EML6: variants seen among roughly 807,000 people sequenced by gnomAD.
The protein encoded by EML6 is echinoderm microtubule-associated protein-like 6.
A neutral mutation model predicts 240.1 loss-of-function variants in EML6; 154 were observed. That is an observed-to-expected ratio of 0.64 (90% confidence interval 0.56 to 0.73). The LOEUF (loss-of-function observed/expected upper bound fraction) is 0.73, where lower values mean the gene tolerates loss of function less well. Among genes scored for constraint, EML6 ranks in the 30% least tolerant of loss-of-function variants. The pLI is 0.00. For missense variants in EML6, 2,964 were observed against 2,474.6 expected (o/e 1.20, Z -4.20); for synonymous variants, 1,148 against 899.0 (o/e 1.28, Z -4.95).
chr2:54,829,461 A>G lies in EML6; in HGVS notation c.831A>G (p.Thr277=). 1.9e-6 allele frequency: 3 copies of G among 1,551,674 alleles called. No individual in the cohort carries two copies. The highest frequency in any genetic ancestry group is 1.7e-6 in the Non-Finnish European group (2 of 1,146,600). The change falls in exon 7 of 42, where the codon ACA becomes ACG. Residue 277 remains threonine (T), a synonymous_variant. Coordinates refer to ENST00000356458, the MANE Select transcript of EML6 (RefSeq NM_001039753.4). ...TAACCAAAATTGATCTCAGGGAGAC[A>G]GAACAAGGATACAAAGGTAATATAT... ...KPITKIDLRE[T]EQGYKGLSIR... is the part of the protein sequence containing the mutation.
chr2:54,846,662 T>A (rs1407970387), intron 8 of EML6, among the ~76,000 whole-genome samples: 1 of 151,978 alleles, frequency 6.6e-6, no homozygotes, highest in African/African-American at 2.4e-5. Context: ...TTTAAAATCT[T>A]TTTTAGAGAT....
At chr2:54,853,902 T>A in intron 11 of EML6, 47 bp downstream of exon 11, 1 of 1,276,248 alleles carries the variant, frequency 7.8e-7, no homozygotes, top group Non-Finnish European at 1.1e-6. Flanking sequence ...TACTCTAAAC[T>A]GTATACAGTA....
At chr2:54,965,571 G>A (rs1218240189) in intron 38 of EML6, among the ~76,000 whole-genome samples, 7 of 152,268 alleles carry the variant, frequency 4.6e-5, no homozygotes, top group Admixed American at 3.9e-4. Flanking sequence ...AGTTGTTAAG[G>A]ATAATTTGGT....
rs1225396687 is a variant in EML6, at chr2:54,970,383, T to C, written c.*288T>C. Reference sequence around the variant, plus strand: ...TAACTACATTGACAAAGAAATCCTATCTGATAATGTAGCCCGCTGACGAAT... The same window carrying C: ...TAACTACATTGACAAAGAAATCCTACCTGATAATGTAGCCCGCTGACGAAT... On this transcript the variant is annotated 3_prime_UTR_variant, in exon 42 of 42. Transcript: ENST00000356458. 5.2e-6 allele frequency: 2 copies of C among 387,872 alleles called. No homozygotes were observed. The highest frequency in any genetic ancestry group is 3.9e-5 in the Admixed American group (1 of 25,646). The allele number at this position is 387,872 out of a possible 1,614,324, so 24.0% of individuals were successfully genotyped here.
intron 2 of EML6, among the ~76,000 whole-genome samples, chr2:54,751,826 T>G: frequency 6.6e-6 from 1 of 152,246 alleles, no homozygotes; most frequent in East Asian, 1.9e-4. Context: ...ATTTGCTTTC[T>G]GAAAACTGAG....
At chr2:54,806,574 T>TTGCACTC (rs1479035629) in intron 2 of EML6, among the ~76,000 whole-genome samples, 2 of 121,742 alleles carry the variant, frequency 1.6e-5, no homozygotes, top group Non-Finnish European at 3.2e-5. Context: ...GATCACGCCC[T>TTGCACTC]TGCACTCCAG....
At chr2:54,779,389 C>CA (rs976793102) in intron 2 of EML6, among the ~76,000 whole-genome samples, 1 of 150,468 alleles carries the variant, frequency 6.6e-6, no homozygotes, top group African/African-American at 2.5e-5. Context: ...AAAAAAAATA[C>CA]AAAAAAATTA....
chr2:54,958,030 G>A, intron 33 of EML6, 32 bp downstream of exon 33: 1 of 1,524,360 alleles, frequency 6.6e-7, no homozygotes, highest in South Asian at 1.2e-5. Flanking sequence ...CTGAGAAGGG[G>A]ACCCAGACCC....
intron 2 of EML6, among the ~76,000 whole-genome samples, chr2:54,757,230 C>G (rs1256237702): frequency 3.9e-5 from 6 of 151,926 alleles, no homozygotes; most frequent in African/African-American, 7.3e-5. Flanking sequence ...CTTTTAGGTT[C>G]AAGGCTTTCA....
intron 17 of EML6, among the ~76,000 whole-genome samples, chr2:54,885,156 C>CA (rs201999245): frequency 0.021 from 3,163 of 150,436 alleles, 78 homozygotes; most frequent in South Asian, 0.098. Flanking sequence ...GATGCTGTCT[C>CA]AAAAAAAACC....
chr2:54,756,338 CT>C (rs1375149900), intron 2 of EML6, among the ~76,000 whole-genome samples: 3 of 152,162 alleles, frequency 2.0e-5, no homozygotes, highest in South Asian at 2.1e-4. Context: ...TATAGAAGTT[CT>C]CAATGGAAAG....
At chr2:54,806,270 A>G (rs928335444) in intron 2 of EML6, among the ~76,000 whole-genome samples, 3 of 152,082 alleles carry the variant, frequency 2.0e-5, no homozygotes, top group African/African-American at 7.2e-5. Context: ...TTTAAATTCA[A>G]GGAGAGTTCA....
At chr2:54,734,422 A>C (rs911121337) in intron 2 of EML6, among the ~76,000 whole-genome samples, 13 of 152,262 alleles carry the variant, frequency 8.5e-5, no homozygotes, top group African/African-American at 3.1e-4. Context: ...AGACAGTGCT[A>C]GGCAATGGCT....
At chr2:54,937,324 C>G (rs935136950) in intron 28 of EML6, among the ~76,000 whole-genome samples, 1 of 150,420 alleles carries the variant, frequency 6.6e-6, no homozygotes, top group African/African-American at 2.4e-5. Flanking sequence ...GTGGGGCAAG[C>G]CGGTTATCCC....
intron 28 of EML6, among the ~76,000 whole-genome samples, chr2:54,933,262 C>G (rs1463995508): frequency 6.6e-6 from 1 of 152,140 alleles, no homozygotes. Flanking sequence ...AAGAAAAAGT[C>G]TTTGACTCTT....
chr2:54,925,218 A>G (rs532667897), intron 26 of EML6, among the ~76,000 whole-genome samples: 116 of 152,308 alleles, frequency 7.6e-4, no homozygotes, highest in African/African-American at 2.8e-3. Flanking sequence ...TCCTGTGAGC[A>G]CACAGTGAGA....
chr2:54,849,644 A>G (rs1025856921), intron 9 of EML6, among the ~76,000 whole-genome samples: 3 of 151,966 alleles, frequency 2.0e-5, no homozygotes, highest in Non-Finnish European at 4.4e-5. Flanking sequence ...GCCTGCCACC[A>G]CGGCCGGCTA....
rs745802513 is a variant in EML6 at position 54,970,050 on chromosome 2, CTGTT to C, written c.5853-18_5853-15del. 6.4e-7 allele frequency: 1 copy of C among 1,551,620 alleles called. No individual in the cohort carries two copies. Among genetic ancestry groups the C allele is most frequent in the Non-Finnish European group, 8.7e-7 (1 of 1,146,894 alleles). ...TATGATGTCCAGCTATGCAAAATGA[CTGTT>C]TGATCTGCCTTTTCAGTGTATTTGT... is the stretch of plus-strand genomic sequence containing the variant. On this transcript the variant is annotated splice_polypyrimidine_tract_variant and intron_variant, in intron 41 of 41. Coordinates refer to ENST00000356458, the MANE Select transcript of EML6 (RefSeq NM_001039753.4).
intron 26 of EML6, among the ~76,000 whole-genome samples, chr2:54,923,857 CT>C (rs1211944332): frequency 6.6e-6 from 1 of 152,110 alleles, no homozygotes; most frequent in East Asian, 1.9e-4. Flanking sequence ...TAAATTTTAC[CT>C]GTTTAAGAAT....
Sources: gnomAD v4.1 joint callset for allele counts (sites outside exome capture counted in the v4.1 genomes callset) on GRCh38, gnomAD v4.1.1 for gene constraint, MANE v1.5 for transcripts, NCBI Gene and HGNC (gene_info 2026-07-23, HGNC 2026-07-21) for gene names.